Variants in ATRNL1 observed in about 807,000 individuals in gnomAD.
ATRNL1 encodes attractin like 1, also known as attractin-like protein 1.
In ATRNL1, 95 loss-of-function variants were observed where a neutral mutation model predicts 182.7. The ratio of observed to expected loss-of-function variants is 0.52; its 90% CI spans 0.44 to 0.62. ATRNL1 has a LOEUF of 0.62. Among genes scored for constraint, ATRNL1 ranks in the 20% least tolerant of loss-of-function variants. The pLI is 0.00. For synonymous variants in ATRNL1, 576 were observed against 568.3 expected (o/e 1.01, Z -0.19); for missense variants, 1,471 against 1,679.5 (o/e 0.88, Z 2.17).
chr10:115,822,527 C>G (rs931221685), intron 27 of ATRNL1, among the ~76,000 whole-genome samples: 2 of 151,972 alleles, frequency 1.3e-5, no homozygotes, highest in South Asian at 4.1e-4. Flanking sequence ...AATAGATAGG[C>G]CACTAGCCAG....
At chr10:115,355,156 G>A (rs1270376519) in intron 19 of ATRNL1, among the ~76,000 whole-genome samples, 2 of 152,094 alleles carry the variant, frequency 1.3e-5, no homozygotes, top group African/African-American at 2.4e-5. Flanking sequence ...CATTTACTCC[G>A]TGTGATGAGG....
At chr10:115,709,285 G>A (rs1946992728) in intron 26 of ATRNL1, among the ~76,000 whole-genome samples, 1 of 151,716 alleles carries the variant, frequency 6.6e-6, no homozygotes, top group Admixed American at 6.6e-5. Context: ...GAATTCAATC[G>A]GTATTTGTTG....
At chr10:115,504,221 T>G (rs2133645056) in intron 24 of ATRNL1, among the ~76,000 whole-genome samples, 1 of 152,234 alleles carries the variant, frequency 6.6e-6, no homozygotes, top group East Asian at 1.9e-4. Context: ...TTTAAAGTTA[T>G]TGAACTGCCA....
At chr10:115,681,451 G>A (rs1946043771) in intron 26 of ATRNL1, among the ~76,000 whole-genome samples, 2 of 152,170 alleles carry the variant, frequency 1.3e-5, no homozygotes, top group African/African-American at 4.8e-5. Flanking sequence ...ATAGCAGTAG[G>A]TTCAGCAGCT....
At chr10:115,467,150 C>T (rs1554970979) in intron 22 of ATRNL1, 24 bp from the exon 23 acceptor site, 2 of 1,535,768 alleles carry the variant, frequency 1.3e-6, no homozygotes, top group Non-Finnish European at 1.8e-6. Flanking sequence ...CGTTTTTTAA[C>T]CTTAATATTT....
At chr10:115,500,241 G>A in intron 24 of ATRNL1, among the ~76,000 whole-genome samples, 1 of 152,122 alleles carries the variant, frequency 6.6e-6, no homozygotes, top group Non-Finnish European at 1.5e-5. Flanking sequence ...AGTTTGCAGG[G>A]CTTCACGAAA....
chr10:115,679,065 G>A (rs1945962211), intron 26 of ATRNL1, among the ~76,000 whole-genome samples: 1 of 152,100 alleles, frequency 6.6e-6, no homozygotes, highest in Non-Finnish European at 1.5e-5. Flanking sequence ...TAAAAGTGAA[G>A]GATCCTGATG....
At chr10:115,913,275 A>T (rs1298299356) in intron 28 of ATRNL1, among the ~76,000 whole-genome samples, 1 of 152,132 alleles carries the variant, frequency 6.6e-6, no homozygotes, top group African/African-American at 2.4e-5. Flanking sequence ...GATGTCCTCC[A>T]CCAACACAGT....
chr10:115,198,510 G>A (rs1848442023), intron 8 of ATRNL1, among the ~76,000 whole-genome samples: 1 of 152,046 alleles, frequency 6.6e-6, no homozygotes, highest in Non-Finnish European at 1.5e-5. Flanking sequence ...AAGCTTGTTT[G>A]ATGTAATATC....
At chr10:115,579,681 C>A (rs1555006558) in intron 26 of ATRNL1, among the ~76,000 whole-genome samples, 1 of 151,790 alleles carries the variant, frequency 6.6e-6, no homozygotes, top group African/African-American at 2.4e-5. Context: ...ATTTAGCCAG[C>A]CTATATCTTT....
chr10:115,669,058 A>G (rs941292891), intron 26 of ATRNL1, among the ~76,000 whole-genome samples: 1 of 152,120 alleles, frequency 6.6e-6, no homozygotes, highest in African/African-American at 2.4e-5. Flanking sequence ...GGTTTTCCAA[A>G]TGATTATATG....
intron 1 of ATRNL1, among the ~76,000 whole-genome samples, chr10:115,104,460 A>G (rs1843913440): frequency 6.6e-6 from 1 of 152,014 alleles, no homozygotes; most frequent in African/African-American, 2.4e-5. Context: ...TGTCAGAATG[A>G]TAGTTTGCAA....
chr10:115,818,173 T>A (rs2067271382), intron 27 of ATRNL1, among the ~76,000 whole-genome samples: 1 of 135,668 alleles, frequency 7.4e-6, no homozygotes, highest in South Asian at 2.3e-4. Context: ...AGTCCAGGGT[T>A]TATTTGATTC....
chr10:115,942,085 C>A (rs1953747913), intron 28 of ATRNL1, among the ~76,000 whole-genome samples: 1 of 152,192 alleles, frequency 6.6e-6, no homozygotes. Context: ...TTTGTAATTT[C>A]TTTCCTTGCT....
At chr10:115,898,740 C>T (rs184487571) in intron 28 of ATRNL1, among the ~76,000 whole-genome samples, 19 of 152,296 alleles carry the variant, frequency 1.2e-4, no homozygotes, top group Admixed American at 7.8e-4. Context: ...TAATGAATGA[C>T]GAACCCCTGA....
At chr10:115,211,425 T>G (rs1009593586) in intron 8 of ATRNL1, among the ~76,000 whole-genome samples, 2 of 151,912 alleles carry the variant, frequency 1.3e-5, no homozygotes, top group Admixed American at 6.6e-5. Flanking sequence ...TTATTGTTTT[T>G]CTAGGTAATT....
chr10:115,371,793 C>T (rs190843944), intron 19 of ATRNL1, among the ~76,000 whole-genome samples: 6 of 152,194 alleles, frequency 3.9e-5, no homozygotes, highest in Middle Eastern at 3.4e-3. Context: ...AATGTGAAGA[C>T]ATTTGATTTG....
intron 26 of ATRNL1, among the ~76,000 whole-genome samples, chr10:115,695,603 A>G (rs1946532564): frequency 6.6e-6 from 1 of 152,156 alleles, no homozygotes; most frequent in Non-Finnish European, 1.5e-5. Context: ...AACCTTATAT[A>G]TTAGAACTAT....
chr10:115,728,803 T>G (rs1364348157), intron 27 of ATRNL1, among the ~76,000 whole-genome samples: 4 of 152,170 alleles, frequency 2.6e-5, no homozygotes, highest in Non-Finnish European at 5.9e-5. Flanking sequence ...ATCAGGAAAT[T>G]TGTGTGTATA....
Sources: gnomAD v4.1 joint callset for allele counts (sites outside exome capture counted in the v4.1 genomes callset) on GRCh38, gnomAD v4.1.1 for gene constraint, MANE v1.5 for transcripts, NCBI Gene and HGNC (gene_info 2026-07-23, HGNC 2026-07-21) for gene names.